Variants in KLHL29 observed in about 807,000 individuals in gnomAD.
KLHL29 encodes kelch-like protein 29.
KLHL29 carries 21 observed loss-of-function variants against 80.4 expected under a neutral mutation model. The ratio of observed to expected loss-of-function variants is 0.26; its 90% CI spans 0.19 to 0.38. KLHL29 has a LOEUF of 0.38. Among genes scored for constraint, KLHL29 ranks in the 10% least tolerant of loss-of-function variants. The pLI, the probability that KLHL29 is intolerant of heterozygous loss-of-function variation, is 1.00. For synonymous variants in KLHL29, 511 were observed against 526.8 expected, an observed-to-expected ratio of 0.97 and a Z score of 0.41; for missense variants, 867 against 1,223.9, an observed-to-expected ratio of 0.71 and a Z score of 4.35.
chr2:23,629,327 G>A (rs77706333), intron 3 of KLHL29, among the ~76,000 whole-genome samples: 133 of 152,122 alleles, frequency 8.7e-4, no homozygotes, highest in African/African-American at 3.0e-3. Flanking sequence ...GAGCTGAAGC[G>A]CAGGAAAGGG....
intron 6 of KLHL29, chr2:23,691,272 G>A: frequency 3.8e-6 from 1 of 262,054 alleles, no homozygotes; most frequent in Non-Finnish European, 7.4e-6. Context: ...GGTCACGTTG[G>A]AGAATCTGCC....
intron 2 of KLHL29, among the ~76,000 whole-genome samples, chr2:23,506,647 C>T (rs1037703657): frequency 6.6e-6 from 1 of 152,196 alleles, no homozygotes; most frequent in Admixed American, 6.5e-5. Context: ...GCTGCAGCCA[C>T]AGCCACGGGG....
rs368530652 is a variant in KLHL29, at chr2:23,649,363, T to G, written c.940+6513T>G. Among the ~76,000 whole-genome samples, 5 of 152,246 alleles carry G rather than the reference T, an allele frequency of 3.3e-5. No homozygotes were observed. The East Asian group carries it at 7.7e-4, about 24-fold the overall frequency. ...CTGCCCCAGCCCTGCTCAGGAAGCC[T>G]CCTCCCCTCGCAGGGCTCTGTCCTC... On this transcript the variant is annotated intron_variant, in intron 5 of 13. Transcript: ENST00000486442.
In KLHL29 at chr2:23,457,267, C is replaced by G. The variant is rs1036842274; in HGVS notation, c.-153-18293C>G. On this transcript the variant is annotated intron_variant, in intron 1 of 13. Coordinates refer to ENST00000486442, the MANE Select transcript of KLHL29 (RefSeq NM_052920.2). This position sits in a 1 kb window ranked among gnomAD's most constrained non-coding sequence, Gnocchi z 4.3. ...GACCAATGCTGAACTCATATGGGCT[C>G]TGAGCCCAGAGGGGCCAGGTCTTTG... 1.3e-5 allele frequency among the ~76,000 whole-genome samples: 2 copies of G among 152,206 alleles called. No homozygotes were observed. Among genetic ancestry groups the G allele is most frequent in the Non-Finnish European group, 2.9e-5 (2 of 68,044 alleles).
At chr2:23,496,369 G>C (rs140741803) in intron 2 of KLHL29, among the ~76,000 whole-genome samples, 18 of 152,298 alleles carry the variant, frequency 1.2e-4, no homozygotes, top group African/African-American at 3.8e-4. Flanking sequence ...CTGAACTTAA[G>C]AGCTGAAACA....
rs1373049181 is a variant in KLHL29, at chr2:23,611,550, A to G, written c.286-27589A>G. 2.0e-5 allele frequency among the ~76,000 whole-genome samples: 3 copies of G among 152,254 alleles called. No individual in the cohort carries two copies. The East Asian group carries it at 5.8e-4, about 29-fold the overall frequency. On this transcript the variant is annotated intron_variant, in intron 3 of 13. Coordinates refer to ENST00000486442, the MANE Select transcript of KLHL29 (RefSeq NM_052920.2). ...AAGCAGACAAATAATCTTAGGAGAA[A>G]GATACCATCTTGACCTCAAATTATT...
At chr2:23,439,353 CT>C (rs1663443294) in intron 1 of KLHL29, among the ~76,000 whole-genome samples, 2 of 152,046 alleles carry the variant, frequency 1.3e-5, no homozygotes, top group African/African-American at 2.4e-5. Flanking sequence ...CTTCTGCTAG[CT>C]TTTGAATGCG....
At chr2:23,425,433 C>T (rs1315614082) in intron 1 of KLHL29, among the ~76,000 whole-genome samples, 2 of 152,182 alleles carry the variant, frequency 1.3e-5, no homozygotes, top group African/African-American at 4.8e-5. Flanking sequence ...GCAAATACCT[C>T]TCTCTCCAGG....
At chr2:23,606,444 T>C (rs559404182) in intron 3 of KLHL29, among the ~76,000 whole-genome samples, 15 of 152,174 alleles carry the variant, frequency 9.9e-5, no homozygotes, top group African/African-American at 2.9e-4. Context: ...AATTTCCAAC[T>C]CAGTTTAGCC....
chr2:23,409,198 C>A (rs1296640765), intron 1 of KLHL29, among the ~76,000 whole-genome samples: 2 of 152,112 alleles, frequency 1.3e-5, no homozygotes, highest in East Asian at 3.8e-4. Context: ...ACAAAGATAA[C>A]CCCTTGAAGA....
chr2:23,637,598 C>T (rs1162236231), intron 3 of KLHL29, among the ~76,000 whole-genome samples: 1 of 152,210 alleles, frequency 6.6e-6, no homozygotes, highest in Non-Finnish European at 1.5e-5. Flanking sequence ...CCCACAGGTC[C>T]TAATGGGATA....
At chr2:23,539,853 C>G (rs889822766) in intron 2 of KLHL29, among the ~76,000 whole-genome samples, 1 of 152,202 alleles carries the variant, frequency 6.6e-6, no homozygotes, top group Non-Finnish European at 1.5e-5. Context: ...TCTCTTTCCA[C>G]AGTCTGAGCG....
At chr2:23,677,031 G>A (rs189395928) in intron 5 of KLHL29, among the ~76,000 whole-genome samples, 68 of 152,330 alleles carry the variant, frequency 4.5e-4, no homozygotes, top group Non-Finnish European at 5.9e-4. Context: ...TTGGACCTAA[G>A]GGACAGGGGC....
chr2:23,445,702 A>G (rs1663653983), intron 1 of KLHL29, among the ~76,000 whole-genome samples: 1 of 152,246 alleles, frequency 6.6e-6, no homozygotes, highest in Non-Finnish European at 1.5e-5. Context: ...GGGCTGTACC[A>G]TTTTGCATTC....
chr2:23,637,691 C>A (rs1669652371), intron 3 of KLHL29, among the ~76,000 whole-genome samples: 1 of 152,132 alleles, frequency 6.6e-6, no homozygotes, highest in Non-Finnish European at 1.5e-5. Context: ...TGTTGCCCAG[C>A]CTCCGCATCC....
chr2:23,615,116 A>G (rs1381853625), intron 3 of KLHL29, among the ~76,000 whole-genome samples: 1 of 152,180 alleles, frequency 6.6e-6, no homozygotes, highest in African/African-American at 2.4e-5. Flanking sequence ...CAGGAAAGAC[A>G]CTGAACCTGG....
intron 2 of KLHL29, among the ~76,000 whole-genome samples, chr2:23,476,164 C>T (rs1270587482): frequency 1.3e-5 from 2 of 152,014 alleles, no homozygotes; most frequent in South Asian, 2.1e-4. Context: ...CGTGAGCCAC[C>T]GTGCCCCATC....
In KLHL29 at chr2:23,586,362, C is replaced by CTTTT. The variant is rs778067234; in HGVS notation, c.285+23901_285+23904dup. 2.9e-3 allele frequency among the ~76,000 whole-genome samples: 277 copies of CTTTT among 96,980 alleles called. 2 individuals are homozygous for CTTTT. Among genetic ancestry groups the CTTTT allele is most frequent in the Admixed American group, 4.0e-3 (28 of 7,066 alleles). 63.6% of individuals were successfully genotyped at this position (96,980 alleles called of 152,430 possible). A position where few individuals can be genotyped will look rare whatever the true frequency, so the allele number is the denominator to read the frequency against. ...CCATTCCTTCTACCTAAAAGCATTA[C>CTTTT]TTTTTTTTTTTTTTTTTTTTTTTGA... On this transcript the variant is annotated intron_variant, in intron 3 of 13. Coordinates refer to ENST00000486442, the MANE Select transcript of KLHL29 (RefSeq NM_052920.2).
intron 1 of KLHL29, among the ~76,000 whole-genome samples, chr2:23,393,648 A>G (rs148844969): frequency 1.5e-3 from 230 of 152,336 alleles, no homozygotes; most frequent in African/African-American, 5.2e-3. Flanking sequence ...TCTTTATATT[A>G]GTTTTTTCTC....
Sources: allele counts gnomAD v4.1 joint callset (sites outside exome capture counted in the v4.1 genomes callset), GRCh38; gene constraint gnomAD v4.1.1; non-coding constraint Gnocchi (gnomAD v3.1); transcripts MANE v1.5; gene names NCBI Gene and HGNC (gene_info 2026-07-23, HGNC 2026-07-21).